BAZ1A: variants seen among roughly 807,000 people sequenced by gnomAD.
BAZ1A encodes bromodomain adjacent to zinc finger domain 1A.
A neutral mutation model predicts 185.2 loss-of-function variants in BAZ1A; 50 were observed. The ratio of observed to expected loss-of-function variants is 0.27; its 90% CI spans 0.22 to 0.34. The LOEUF is 0.34. Ranked by LOEUF, BAZ1A falls within the 10% of genes least tolerant of loss-of-function variation. The pLI is 1.00. For missense variants in BAZ1A, 1,356 were observed against 1,839.9 expected (o/e 0.74, Z 4.81); for synonymous variants, 571 against 615.6 (o/e 0.93, Z 1.07).
chr14:34,811,770 T>C (rs940415623), intron 4 of BAZ1A, among the ~76,000 whole-genome samples: 4 of 152,166 alleles, frequency 2.6e-5, no homozygotes, highest in African/African-American at 9.7e-5. Context: ...GTGAAGAAAG[T>C]AACTAGAGAT....
At chr14:34,798,490 G>A (rs1881328591) in intron 9 of BAZ1A, among the ~76,000 whole-genome samples, 1 of 152,210 alleles carries the variant, frequency 6.6e-6, no homozygotes, top group Admixed American at 6.5e-5. Context: ...GAAGGATAAG[G>A]CAGCAATATG....
chr14:34,820,122 G>GTTTTTTTCTTTT (rs2042064458), intron 4 of BAZ1A, among the ~76,000 whole-genome samples: 1 of 80,662 alleles, frequency 1.2e-5, no homozygotes, highest in Non-Finnish European at 2.2e-5. Context: ...TGGGTTCCTC[G>GTTTTTTTCTTTT]TTTTTTTTTT....
At chr14:34,778,631 T>G (rs1021885357) in intron 17 of BAZ1A, among the ~76,000 whole-genome samples, 11 of 152,200 alleles carry the variant, frequency 7.2e-5, no homozygotes, top group African/African-American at 2.7e-4. Flanking sequence ...TTTTGATAAT[T>G]TGTATTTTCT....
At chr14:34,838,345 T>G (rs1214027407) in intron 3 of BAZ1A, among the ~76,000 whole-genome samples, 1 of 152,182 alleles carries the variant, frequency 6.6e-6, no homozygotes, top group Non-Finnish European at 1.5e-5. Context: ...AATTTGAAAG[T>G]TACTGGCAAT....
intron 3 of BAZ1A, among the ~76,000 whole-genome samples, chr14:34,835,028 A>G (rs538360680): frequency 1.3e-5 from 2 of 150,222 alleles, no homozygotes; most frequent in South Asian, 4.1e-4. Flanking sequence ...TAAGTTATAC[A>G]TTTTCTAGAA....
chr14:34,786,297 T>A, intron 12 of BAZ1A, 76 bp from the exon 13 acceptor site: 1 of 1,347,282 alleles, frequency 7.4e-7, no homozygotes, highest in Non-Finnish European at 1.0e-6. Context: ...TTTTAAATGA[T>A]GAAAGAAACA....
At chr14:34,757,742 CT>C (rs1195155525) in intron 25 of BAZ1A, among the ~76,000 whole-genome samples, 164 of 126,270 alleles carry the variant, frequency 1.3e-3, no homozygotes, top group Admixed American at 1.7e-3. Context: ...CTATTGTTTT[CT>C]TTTTTTTTTT....
At chr14:34,835,724 T>C (rs892707691) in intron 3 of BAZ1A, among the ~76,000 whole-genome samples, 2 of 150,234 alleles carry the variant, frequency 1.3e-5, no homozygotes, top group African/African-American at 4.9e-5. Flanking sequence ...CAGGCTGGAG[T>C]GCAATGGCGT....
intron 21 of BAZ1A, among the ~76,000 whole-genome samples, chr14:34,769,840 A>T (rs942527555): frequency 6.6e-6 from 1 of 152,178 alleles, no homozygotes; most frequent in Non-Finnish European, 1.5e-5. Flanking sequence ...TTGTACACAT[A>T]ACTGGATTTA....
At position 34,765,024 on chromosome 14, in the gene BAZ1A, G is replaced by A; in HGVS notation, c.3546C>T (p.Leu1182=). Residue 1182 remains leucine (L), a synonymous_variant, in exon 22 of 27, where the codon CTC becomes CTT. Coordinates refer to ENST00000360310, the MANE Select transcript of BAZ1A (RefSeq NM_013448.3). The stretch of plus-strand genomic sequence containing the variant: ...TCTGATAAGAAGAAAAAAATACCTT[G>A]AGCTTTGGTCGAACACAGTAGGTAT... The part of the protein sequence containing the change: ...GHHTYCVRPK[L]KTVPEGDWFC... 6.2e-7 allele frequency: 1 copy of A among 1,613,778 alleles called. No individual in the cohort carries two copies. Among genetic ancestry groups the A allele is most frequent in the Non-Finnish European group, 8.5e-7 (1 of 1,179,950 alleles).
intron 19 of BAZ1A, 79 bp from the exon 20 acceptor site, chr14:34,773,805 T>C (rs1879400572): frequency 3.1e-6 from 4 of 1,296,780 alleles, no homozygotes; most frequent in Non-Finnish European, 3.2e-6. Flanking sequence ...AATATGCATA[T>C]AAAATCAATT....
chr14:34,800,391 C>A lies in BAZ1A; in HGVS notation c.962-1G>T. On this transcript the variant is annotated splice_acceptor_variant, in intron 8 of 26. Transcript: ENST00000360310. LOFTEE classifies it high-confidence loss of function. The stretch of plus-strand genomic sequence containing the variant: ...CTTTTTAATTTAGCCTTTTCAAAAG[C>A]TGTGAAGAAAAATCAAACTTAGAAC... 1 of 1,539,576 alleles carries A rather than the reference C, an allele frequency of 6.5e-7. No homozygotes were observed. Among genetic ancestry groups the A allele is most frequent in the South Asian group, 1.3e-5 (1 of 78,658 alleles).
intron 17 of BAZ1A, among the ~76,000 whole-genome samples, chr14:34,778,593 T>G (rs1406571362): frequency 6.6e-6 from 1 of 152,258 alleles, no homozygotes; most frequent in South Asian, 2.1e-4. Flanking sequence ...TAAGACCATC[T>G]ACATTAACAA....
rs960453367 is a variant in BAZ1A, at chr14:34,753,199, T to C, written c.*309A>G. On this transcript the variant is annotated 3_prime_UTR_variant, in exon 27 of 27. Coordinates refer to ENST00000360310, the MANE Select transcript of BAZ1A (RefSeq NM_013448.3). ...TAAAAAAAAATCATCAATAACAAAA[T>C]AAATCGTGGGTGAAAAAATATTTTC... 17 of 255,200 alleles carry C rather than the reference T, an allele frequency of 6.7e-5. No individual in the cohort carries two copies. The highest frequency in any genetic ancestry group is 4.1e-4 in the Admixed American group (8 of 19,452). The allele number at this position is 255,200 out of a possible 1,614,324, so 15.8% of individuals were successfully genotyped here. A position where few individuals can be genotyped will look rare whatever the true frequency, so the allele number is the denominator to read the frequency against.
intron 3 of BAZ1A, among the ~76,000 whole-genome samples, chr14:34,832,489 C>A (rs945754256): frequency 6.7e-6 from 1 of 148,942 alleles, no homozygotes; most frequent in Non-Finnish European, 1.5e-5. Context: ...AATTCAAAGA[C>A]GGGCAAAAGA....
At position 34,832,191 on chromosome 14, in the gene BAZ1A, TACAC is replaced by T. The variant is rs57379319; in HGVS notation, c.393-6039_393-6036del. Among the ~76,000 whole-genome samples, 97 of 96,586 alleles carry T rather than the reference TACAC, an allele frequency of 1.0e-3. 3 individuals carry two copies. Among genetic ancestry groups the T allele is most frequent in the Admixed American group, 3.7e-3 (29 of 7,850 alleles). The allele number at this position is 96,586 out of a possible 152,430, so 63.4% of individuals were successfully genotyped here. On this transcript the variant is annotated intron_variant, in intron 3 of 26. Coordinates refer to ENST00000360310, the MANE Select transcript of BAZ1A (RefSeq NM_013448.3). ...GTGTGTATATATACATATATACATA[TACAC>T]ACACACACACACACACACACATATA...
chr14:34,813,911 C>A (rs2041966993), intron 4 of BAZ1A, among the ~76,000 whole-genome samples: 1 of 151,472 alleles, frequency 6.6e-6, no homozygotes, highest in South Asian at 2.1e-4. Flanking sequence ...GCCTTGGTGG[C>A]CTGCGCCTGT....
At chr14:34,852,080 T>A (rs908177308) in intron 3 of BAZ1A, among the ~76,000 whole-genome samples, 6 of 151,576 alleles carry the variant, frequency 4.0e-5, no homozygotes, top group Non-Finnish European at 8.8e-5. Context: ...TGAGCTGAGA[T>A]CGTGCCACTG....
At chr14:34,770,195 C>T (rs1879117363) in intron 21 of BAZ1A, among the ~76,000 whole-genome samples, 1 of 151,924 alleles carries the variant, frequency 6.6e-6, no homozygotes, top group East Asian at 1.9e-4. Context: ...CTCTTGTTGC[C>T]CAGGCTGGAG....
Sources: allele counts gnomAD v4.1 joint callset (sites outside exome capture counted in the v4.1 genomes callset), GRCh38; gene constraint gnomAD v4.1.1; transcripts MANE v1.5; gene names NCBI Gene and HGNC (gene_info 2026-07-23, HGNC 2026-07-21).